Variants in WNK1 observed in about 807,000 individuals in gnomAD.
WNK1 encodes serine/threonine-protein kinase WNK1.
A neutral mutation model predicts 222.8 loss-of-function variants in WNK1; 38 were observed. That is an observed-to-expected ratio of 0.17 (90% CI 0.13 to 0.22). The LOEUF (loss-of-function observed/expected upper bound fraction) is 0.22. WNK1 is among the 10% of genes least tolerant of loss of function. The pLI is 1.00. For synonymous variants in WNK1, 1,090 were observed against 1,092.9 expected, an observed-to-expected ratio of 1.00 and a Z score of 0.05; for missense variants, 2,348 against 2,918.4, an observed-to-expected ratio of 0.80 and a Z score of 4.50.
At chr12:821,224 T>C (rs1359473843) in intron 2 of WNK1, among the ~76,000 whole-genome samples, 2 of 152,180 alleles carry the variant, frequency 1.3e-5, no homozygotes, top group African/African-American at 4.8e-5. Flanking sequence ...CCTTTTACTA[T>C]GCAGTTGGGT....
chr12:811,238 G>A (rs1946876563), intron 1 of WNK1, among the ~76,000 whole-genome samples: 1 of 152,074 alleles, frequency 6.6e-6, no homozygotes, highest in South Asian at 2.1e-4. Context: ...TTGACAGTTG[G>A]TAATATTTAA....
chr12:881,087 G>T, intron 12 of WNK1, 88 bp downstream of exon 12: 2 of 1,544,906 alleles, frequency 1.3e-6, no homozygotes, highest in Non-Finnish European at 1.8e-6. Context: ...GGCTCCCCTG[G>T]TTTAGAACTT....
rs762886703 is a variant in WNK1, at chr12:900,686, T to C, written c.6643+16T>C. ...CCAGGTCAAGGTAATAAAGCAACCA[T>C]CATCGTCCAAAAACAATAAAATGGA... On this transcript the variant is annotated intron_variant, in intron 26 of 27. Transcript: ENST00000315939. The C allele has an allele frequency of 2.5e-6, 4 of 1,613,968 alleles. No homozygotes were observed. The African/African-American group carries it at 5.3e-5, about 22-fold the overall frequency.
chr12:766,842 T>A (rs1407430910), intron 1 of WNK1, among the ~76,000 whole-genome samples: 2 of 151,892 alleles, frequency 1.3e-5, no homozygotes. Context: ...AGTGGCATGA[T>A]CTCAGTTCAC....
chr12:885,238 G>A lies in WNK1; in HGVS notation c.4434G>A (p.Gln1478=). ...GPKPPAVVSQ[Q]AAGSTTVGAT... ...AGCCTCCAGCTGTAGTATCTCAGCA[G>A]GCAGCAGGCAGCACTACTGTGGGAG... is the stretch of plus-strand genomic sequence containing the variant. Residue 1478 remains glutamine (Q), a synonymous_variant, in exon 19 of 28, where the codon CAG becomes CAA. Coordinates refer to ENST00000315939, the MANE Select transcript of WNK1 (RefSeq NM_018979.4). 2 of 1,614,180 alleles carry A rather than the reference G, an allele frequency of 1.2e-6. No homozygotes were observed. Among genetic ancestry groups the A allele is most frequent in the Non-Finnish European group, 1.7e-6 (2 of 1,180,036 alleles).
At position 885,240 on chromosome 12, in the gene WNK1, C is replaced by T; in HGVS notation, c.4436C>T (p.Ala1479Val). The T allele has an allele frequency of 6.2e-7, 1 of 1,614,210 alleles. No individual in the cohort carries two copies. Among genetic ancestry groups the T allele is most frequent in the South Asian group, 1.1e-5 (1 of 91,084 alleles). The change falls in exon 19 of 28, where the codon GCA becomes GTA. Residue 1479 changes from alanine to valine, a missense_variant. Ala to Val is a moderately conservative substitution (Grantham distance 64, BLOSUM62 0). Transcript: ENST00000315939. ...CCTCCAGCTGTAGTATCTCAGCAGG[C>T]AGCAGGCAGCACTACTGTGGGAGCC... Reference protein sequence around the residue: ...PKPPAVVSQQAAGSTTVGATL... With the variant: ...PKPPAVVSQQVAGSTTVGATL...
At chr12:865,027 C>T in intron 8 of WNK1, 1 of 1,418,406 alleles carries the variant, frequency 7.1e-7, no homozygotes, top group Non-Finnish European at 9.2e-7. Context: ...CTTCATGCAA[C>T]TATGCCCTGT....
intron 21 of WNK1, 64 bp from the exon 22 acceptor site, chr12:890,389 C>A: frequency 2.5e-6 from 4 of 1,587,644 alleles, no homozygotes; most frequent in Non-Finnish European, 2.6e-6. Context: ...GGAAAGGCAA[C>A]GAGGCAAAAG....
intron 1 of WNK1, among the ~76,000 whole-genome samples, chr12:760,672 G>C (rs1940891533): frequency 6.8e-6 from 1 of 147,634 alleles, no homozygotes; most frequent in Non-Finnish European, 1.5e-5. Flanking sequence ...GAGCTTTTCA[G>C]TTTGAAGAAA....
chr12:872,228 C>CT (rs1391184217), intron 9 of WNK1, among the ~76,000 whole-genome samples: 1 of 152,194 alleles, frequency 6.6e-6, no homozygotes, highest in Admixed American at 6.5e-5. Context: ...CAGGTTCAAG[C>CT]TATTCTCACG....
intron 4 of WNK1, among the ~76,000 whole-genome samples, chr12:847,665 G>A (rs1282801823): frequency 6.6e-6 from 1 of 151,922 alleles, no homozygotes; most frequent in South Asian, 2.1e-4. Context: ...GATTCGGCCC[G>A]TACTTAACTG....
chr12:848,052 G>A (rs1477741104), intron 4 of WNK1, among the ~76,000 whole-genome samples: 1 of 151,964 alleles, frequency 6.6e-6, no homozygotes, highest in Non-Finnish European at 1.5e-5. Flanking sequence ...TGATCTGCCC[G>A]CTTCGGCCCT....
At chr12:862,327 T>TAAGC in intron 8 of WNK1, 57 bp downstream of exon 8, 1 of 1,576,110 alleles carries the variant, frequency 6.3e-7, no homozygotes, top group East Asian at 2.2e-5. Context: ...GATAGTCTGC[T>TAAGC]AAATTAAAAT....
intron 4 of WNK1, among the ~76,000 whole-genome samples, chr12:852,196 C>T (rs72648656): frequency 1.2e-4 from 18 of 152,284 alleles, no homozygotes; most frequent in Non-Finnish European, 2.2e-4. Context: ...AATGAGAAGT[C>T]AGCCTATAAA....
intron 9 of WNK1, among the ~76,000 whole-genome samples, chr12:873,025 A>G (rs1952290073): frequency 6.6e-6 from 1 of 152,216 alleles, no homozygotes; most frequent in African/African-American, 2.4e-5. Flanking sequence ...ATTTTTGCCA[A>G]CCTTAACAAA....
chr12:801,065 C>T lies in WNK1; in HGVS notation c.760-12577C>T, dbSNP rs374630135. ...GCTGTTACTTCTTGGGCCAGAATTT[C>T]GCCATTTGTATCTGCTGATGGCTCC... On this transcript the variant is annotated intron_variant, in intron 1 of 27. Coordinates refer to ENST00000315939, the MANE Select transcript of WNK1 (RefSeq NM_018979.4). 4.6e-5 allele frequency among the ~76,000 whole-genome samples: 7 copies of T among 152,160 alleles called. No individual in the cohort carries two copies. The East Asian group carries it at 9.6e-4, about 21-fold the overall frequency.
chr12:904,536 C>G, intron 26 of WNK1: 1 of 1,272,000 alleles, frequency 7.9e-7, no homozygotes, highest in Admixed American at 2.3e-5. Context: ...GATTGCAAAG[C>G]CTGTTAACCA....
chr12:756,292 C>T (rs1025919405), intron 1 of WNK1, among the ~76,000 whole-genome samples: 24 of 152,044 alleles, frequency 1.6e-4, no homozygotes, highest in Admixed American at 1.6e-3. Context: ...CCTTTTATCA[C>T]CTGGAATTTT....
At chr12:879,041 G>T (rs533472615) in intron 10 of WNK1, among the ~76,000 whole-genome samples, 3 of 152,108 alleles carry the variant, frequency 2.0e-5, no homozygotes, top group Non-Finnish European at 4.4e-5. Flanking sequence ...AGTGGAGAGG[G>T]ATGATTGCAT....
Sources: gnomAD v4.1 joint callset for allele counts (sites outside exome capture counted in the v4.1 genomes callset) on GRCh38, gnomAD v4.1.1 for gene constraint, MANE v1.5 for transcripts, NCBI Gene and HGNC (gene_info 2026-07-23, HGNC 2026-07-21) for gene names.